NTRK3: variants seen among roughly 807,000 people sequenced by gnomAD.
NTRK3 encodes the protein neurotrophic receptor tyrosine kinase 3.
NTRK3 carries 24 observed loss-of-function variants against 91.7 expected under a neutral mutation model. The observed-to-expected ratio is 0.26, with a 90% confidence interval of 0.19 to 0.37. The LOEUF (loss-of-function observed/expected upper bound fraction) is 0.37. NTRK3 is among the 10% of genes least tolerant of loss of function. NTRK3 has a pLI of 1.00. For synonymous variants in NTRK3, 483 were observed against 404.0 expected (o/e 1.20, Z -2.34); for missense variants, 880 against 1,068.9 (o/e 0.82, Z 2.46).
chr15:88,172,190 A>G (rs1482116038), intron 5 of NTRK3, among the ~76,000 whole-genome samples: 1 of 152,232 alleles, frequency 6.6e-6, no homozygotes, highest in Non-Finnish European at 1.5e-5. Context: ...ACCCAGCAAG[A>G]AAAGAGACTT....
intron 14 of NTRK3, among the ~76,000 whole-genome samples, chr15:87,953,374 C>T (rs1839855018): frequency 6.6e-6 from 1 of 152,108 alleles, no homozygotes. Context: ...GTGCTTTGGA[C>T]CAGAAGACGA....
chr15:88,049,469 G>T (rs35225549), intron 13 of NTRK3, among the ~76,000 whole-genome samples: 4,368 of 152,244 alleles, frequency 0.029, 84 homozygotes, highest in Middle Eastern at 0.068. Flanking sequence ...CTTCAGAATG[G>T]TGTGTGTGTT....
intron 5 of NTRK3, among the ~76,000 whole-genome samples, chr15:88,153,139 A>G (rs1025741505): frequency 6.6e-6 from 1 of 152,206 alleles, no homozygotes; most frequent in African/African-American, 2.4e-5. Flanking sequence ...TATGGTGCAA[A>G]TCTTATTTCT....
At chr15:88,197,976 T>C (rs2141237498) in intron 3 of NTRK3, among the ~76,000 whole-genome samples, 1 of 152,300 alleles carries the variant, frequency 6.6e-6, no homozygotes, top group East Asian at 1.9e-4. Flanking sequence ...AGTTTCCTTA[T>C]CTGTAAAATA....
Position 87,929,332 on chromosome 15 carries a change from G to T in NTRK3, c.1992C>A (p.Ala664=), listed in dbSNP as rs779216046. ...GGGAGGCCAGGTACACCATACCCGA[G>T]GCGATCTGACTGGCAATGTGGAGCA... Residue 664 remains alanine (A), a synonymous_variant, in exon 17 of 19, where the codon GCC becomes GCA. Coordinates refer to ENST00000394480, the Ensembl canonical transcript of NTRK3. The T allele has an allele frequency of 3.1e-6, 5 of 1,614,194 alleles. No individual in the cohort carries two copies. The South Asian group carries it at 5.5e-5, about 18-fold the overall frequency.
At chr15:88,140,137 G>A (rs2042253796) in intron 6 of NTRK3, among the ~76,000 whole-genome samples, 1 of 152,110 alleles carries the variant, frequency 6.6e-6, no homozygotes, top group African/African-American at 2.4e-5. Context: ...CAGGAGGCAG[G>A]GAAAACCATT....
intron 6 of NTRK3, among the ~76,000 whole-genome samples, chr15:88,140,570 C>T (rs376329981): frequency 6.6e-6 from 1 of 152,228 alleles, no homozygotes; most frequent in African/African-American, 2.4e-5. Flanking sequence ...TCATATCTAT[C>T]AGTATCTACC....
At chr15:88,032,376 G>C (rs577412133) in intron 14 of NTRK3, among the ~76,000 whole-genome samples, 122 of 152,276 alleles carry the variant, frequency 8.0e-4, no homozygotes, top group African/African-American at 2.9e-3. Context: ...TTCTCAGAAA[G>C]TGCACACTTC....
At chr15:87,863,466 A>G (rs1181204327) in exon 19 of NTRK3, 3 of 221,652 alleles carry the variant, frequency 1.4e-5, no homozygotes, top group Non-Finnish European at 2.7e-5. Context: ...ATCAAACTAA[A>G]TACTCTTTCA....
At chr15:88,064,424 C>T (rs980940581) in intron 13 of NTRK3, among the ~76,000 whole-genome samples, 3 of 152,194 alleles carry the variant, frequency 2.0e-5, no homozygotes, top group Admixed American at 6.5e-5. Flanking sequence ...AACTTCACAT[C>T]GACAACCTCC....
At chr15:88,120,394 G>C (rs2052572794) in intron 13 of NTRK3, among the ~76,000 whole-genome samples, 2 of 152,222 alleles carry the variant, frequency 1.3e-5, no homozygotes, top group African/African-American at 4.8e-5. Context: ...CAATGGAACA[G>C]TCCTGCAAGT....
chr15:88,223,006 AGGAG>A (rs1053917039), intron 3 of NTRK3, among the ~76,000 whole-genome samples: 1 of 152,008 alleles, frequency 6.6e-6, no homozygotes, highest in African/African-American at 2.4e-5. Flanking sequence ...AAGTGGGGAG[AGGAG>A]GGAGAGGAAG....
intron 10 of NTRK3, among the ~76,000 whole-genome samples, chr15:88,130,540 C>T (rs992693299): frequency 5.9e-5 from 9 of 151,752 alleles, no homozygotes; most frequent in African/African-American, 1.9e-4. Context: ...AAGTCAACAC[C>T]CCCAGTACCA....
chr15:88,191,206 GTGT>G (rs2047360585), intron 3 of NTRK3, among the ~76,000 whole-genome samples: 1 of 143,826 alleles, frequency 7.0e-6, no homozygotes, highest in African/African-American at 2.7e-5. Flanking sequence ...GTGTGTGTGT[GTGT>G]CTTAACACAG....
intron 5 of NTRK3, among the ~76,000 whole-genome samples, chr15:88,181,296 C>T (rs1335395799): frequency 2.6e-5 from 4 of 152,258 alleles, no homozygotes; most frequent in East Asian, 1.9e-4. Context: ...TCTTGCAAAC[C>T]TCCACCAGCC....
rs939225989 is a variant in NTRK3 at position 88,240,321 on chromosome 15, C to T, written c.248+15585G>A. On this transcript the variant is annotated intron_variant, in intron 3 of 18. Transcript: ENST00000394480. This position sits in a 1 kb window ranked among gnomAD's most constrained non-coding sequence, Gnocchi z 4.9. ...CCTTAGAGACAACAATGCCCGATCC[C>T]GACACACCCGATAAACTGTGGCAGT... 1.3e-5 allele frequency among the ~76,000 whole-genome samples: 2 copies of T among 152,128 alleles called. No individual in the cohort carries two copies. The highest frequency in any genetic ancestry group is 2.4e-5 in the African/African-American group (1 of 41,398).
At chr15:88,216,261 G>A (rs2049755815) in intron 3 of NTRK3, among the ~76,000 whole-genome samples, 1 of 152,110 alleles carries the variant, frequency 6.6e-6, no homozygotes, top group African/African-American at 2.4e-5. Flanking sequence ...TATCAAGTTT[G>A]GTCTGCATTA....
At chr15:88,195,583 C>A (rs1291188114) in intron 3 of NTRK3, among the ~76,000 whole-genome samples, 1 of 152,202 alleles carries the variant, frequency 6.6e-6, no homozygotes, top group African/African-American at 2.4e-5. Context: ...GGGGTGGAAC[C>A]CTTGTAGCCC....
At chr15:88,246,884 G>T (rs1324243186) in intron 3 of NTRK3, among the ~76,000 whole-genome samples, 1 of 152,208 alleles carries the variant, frequency 6.6e-6, no homozygotes, top group African/African-American at 2.4e-5. Flanking sequence ...CTCAGGAAAT[G>T]CTCTGAAAGC....
Sources: gnomAD v4.1 joint callset for allele counts (sites outside exome capture counted in the v4.1 genomes callset) on GRCh38, gnomAD v4.1.1 for gene constraint, Gnocchi (gnomAD v3.1) non-coding constraint, MANE v1.5 for transcripts, NCBI Gene and HGNC (gene_info 2026-07-23, HGNC 2026-07-21) for gene names.